MTFR1: variants seen among roughly 807,000 people sequenced by gnomAD.
The protein encoded by MTFR1 is mitochondrial fission regulator 1, also known as chondrocyte protein with a poly-proline region.
In MTFR1, 28 loss-of-function variants were observed where a neutral mutation model predicts 38.8. The ratio of observed to expected loss-of-function variants is 0.72; its 90% CI spans 0.53 to 0.99. MTFR1 has a LOEUF of 0.99. Ranked by LOEUF, MTFR1 falls within the 50% of genes least tolerant of loss-of-function variation. The probability of loss-of-function intolerance (pLI) is 0.00; values close to 1 mark genes in which losing one functional copy is unlikely to be tolerated. For synonymous variants in MTFR1, 145 were observed against 137.0 expected (o/e 1.06, Z -0.41); for missense variants, 358 against 395.5 (o/e 0.91, Z 0.81).
At chr8:65,735,325 T>A (rs372273693) in intron 3 of MTFR1, among the ~76,000 whole-genome samples, 67 of 152,296 alleles carry the variant, frequency 4.4e-4, no homozygotes, top group African/African-American at 1.5e-3. Context: ...TAGTGTTTTT[T>A]TGAGACAGGA....
chr8:65,711,719 A>AT (rs1805953114), downstream of MTFR1, among the ~76,000 whole-genome samples: 1 of 152,226 alleles, frequency 6.6e-6, no homozygotes, highest in Admixed American at 6.5e-5. Context: ...TAAAAATAGC[A>AT]TAACCAAGTA....
chr8:65,645,586 C>T (rs1160089778), intron 1 of MTFR1, among the ~76,000 whole-genome samples: 1 of 151,390 alleles, frequency 6.6e-6, no homozygotes, highest in African/African-American at 2.4e-5. Context: ...AGTGCAGTGG[C>T]GGGATCTCTA....
chr8:65,708,945 A>G, intron 7 of MTFR1, 31 bp from the exon 8 acceptor site: 2 of 1,606,224 alleles, frequency 1.2e-6, no homozygotes, highest in Non-Finnish European at 1.7e-6. Context: ...TTGAACCAAT[A>G]TCTTTATTTA....
At chr8:65,669,609 T>C (rs976479717) in intron 1 of MTFR1, among the ~76,000 whole-genome samples, 9 of 151,790 alleles carry the variant, frequency 5.9e-5, no homozygotes, top group African/African-American at 2.2e-4. Flanking sequence ...TGGAGTACAA[T>C]GGCGCGATCT....
At chr8:65,716,133 A>G (rs995500383) in intron 2 of MTFR1, among the ~76,000 whole-genome samples, 6 of 148,102 alleles carry the variant, frequency 4.1e-5, no homozygotes, top group African/African-American at 1.5e-4. Flanking sequence ...CCTAGTTAGC[A>G]GCGAGACCCT....
At chr8:65,743,967 G>T (rs1807555233) in intron 3 of MTFR1, among the ~76,000 whole-genome samples, 1 of 152,038 alleles carries the variant, frequency 6.6e-6, no homozygotes, top group Admixed American at 6.6e-5. Context: ...CATGTAGCTA[G>T]GATTAGAGAC....
chr8:65,720,464 A>G (rs1249500523), intron 3 of MTFR1: 2 of 154,186 alleles, frequency 1.3e-5, no homozygotes, highest in African/African-American at 4.8e-5. Flanking sequence ...TTTATCCAAC[A>G]TAAGAATCTC....
chr8:65,647,962 C>T (rs573362016), intron 1 of MTFR1, among the ~76,000 whole-genome samples: 9 of 152,124 alleles, frequency 5.9e-5, no homozygotes, highest in Non-Finnish European at 1.2e-4. Flanking sequence ...TGCCTACTGA[C>T]GTACTATGCC....
intron 1 of MTFR1, among the ~76,000 whole-genome samples, chr8:65,650,210 CTTTTTTTTT>C (rs768949769): frequency 8.7e-6 from 1 of 114,632 alleles, no homozygotes; most frequent in East Asian, 2.3e-4. Context: ...TCCTTATACT[CTTTTTTTTT>C]TTTTTTTTTT....
intron 1 of MTFR1, among the ~76,000 whole-genome samples, chr8:65,652,589 G>A (rs1809152812): frequency 6.6e-6 from 1 of 152,030 alleles, no homozygotes; most frequent in Non-Finnish European, 1.5e-5. Context: ...ATTTCACTTT[G>A]GTTAATTCCT....
At chr8:65,703,021 T>C (rs563891426) in intron 4 of MTFR1, among the ~76,000 whole-genome samples, 2 of 151,482 alleles carry the variant, frequency 1.3e-5, no homozygotes, top group South Asian at 2.1e-4. Flanking sequence ...GAAATCTCAC[T>C]AGCAGAAATT....
chr8:65,705,300 G>A (rs1463995668), intron 5 of MTFR1, among the ~76,000 whole-genome samples: 1 of 152,184 alleles, frequency 6.6e-6, no homozygotes, highest in African/African-American at 2.4e-5. Flanking sequence ...CTCCGGCCTG[G>A]CGACAGAGCA....
chr8:65,665,280 G>T (rs1804350244), intron 1 of MTFR1, among the ~76,000 whole-genome samples: 1 of 151,858 alleles, frequency 6.6e-6, no homozygotes, highest in Admixed American at 6.6e-5. Context: ...CTTTCTCCTT[G>T]CCTGTTTTTT....
intron 2 of MTFR1, among the ~76,000 whole-genome samples, chr8:65,672,235 A>G (rs889118572): frequency 6.6e-6 from 1 of 152,264 alleles, no homozygotes; most frequent in East Asian, 1.9e-4. Flanking sequence ...CTGAAAATTC[A>G]TATAAAACCA....
In MTFR1 at chr8:65,707,890, C is replaced by T. The variant is rs1335407938; in HGVS notation, c.812C>T (p.Ala271Val). Residue 271 changes from alanine to valine, a missense_variant, in exon 7 of 8, where the codon GCT (alanine) becomes GTT (valine). By Grantham distance (64) the Ala-to-Val change is moderately conservative. Transcript: ENST00000262146. ...KPKPVDATDP[A>V]ALIAEALKKK... is the part of the protein sequence containing the mutation. ...AAGCCAGTGGATGCTACTGACCCTG[C>T]TGCCCTCATAGCAGAGGCTCTGAAA... The T allele has an allele frequency of 6.2e-7, 1 of 1,614,178 alleles. No homozygotes were observed. Among genetic ancestry groups the T allele is most frequent in the Admixed American group, 1.7e-5 (1 of 60,022 alleles).
intron 3 of MTFR1, among the ~76,000 whole-genome samples, chr8:65,768,448 T>C (rs1055527333): frequency 3.9e-5 from 6 of 152,164 alleles, no homozygotes; most frequent in Non-Finnish European, 7.4e-5. Context: ...AAGGGGAGTT[T>C]CCCTGCACAA....
intron 3 of MTFR1, among the ~76,000 whole-genome samples, chr8:65,744,152 A>G (rs937265774): frequency 6.6e-6 from 1 of 152,204 alleles, no homozygotes. Context: ...TGCTTTTACC[A>G]GTGAATAAGA....
intron 3 of MTFR1, among the ~76,000 whole-genome samples, chr8:65,733,051 A>G (rs975859612): frequency 1.3e-5 from 2 of 152,194 alleles, no homozygotes; most frequent in African/African-American, 4.8e-5. Context: ...ATAAGGGAGA[A>G]GGGAAATGCC....
chr8:65,714,896 T>C (rs1204825725), downstream of MTFR1: 3 of 152,228 alleles, frequency 2.0e-5, no homozygotes, highest in East Asian at 3.8e-4. Context: ...ACATAAAATA[T>C]GATTTTTACT....
Sources: gnomAD v4.1 joint callset for allele counts (sites outside exome capture counted in the v4.1 genomes callset) on GRCh38, gnomAD v4.1.1 for gene constraint, MANE v1.5 for transcripts, NCBI Gene and HGNC (gene_info 2026-07-23, HGNC 2026-07-21) for gene names.